HS6ST3: variants seen among roughly 807,000 people sequenced by gnomAD.
HS6ST3 encodes heparan sulfate 6-O-sulfotransferase 3.
In HS6ST3, 12 loss-of-function variants were observed where a neutral mutation model predicts 36.7. The observed-to-expected ratio is 0.33, with a 90% CI of 0.21 to 0.53. The LOEUF (loss-of-function observed/expected upper bound fraction) is 0.53. Among genes scored for constraint, HS6ST3 ranks in the 20% least tolerant of loss-of-function variants. The pLI, the probability that HS6ST3 is intolerant of heterozygous loss-of-function variation, is 0.95. For synonymous variants in HS6ST3, 240 were observed against 257.5 expected, an observed-to-expected ratio of 0.93 and a Z score of 0.65; for missense variants, 584 against 640.9, an observed-to-expected ratio of 0.91 and a Z score of 0.96.
chr13:96,553,823 G>A (rs1160951849), intron 1 of HS6ST3, among the ~76,000 whole-genome samples: 1 of 152,198 alleles, frequency 6.6e-6, no homozygotes. Flanking sequence ...AGGAAGAAAA[G>A]CATGTCAGAA....
intron 1 of HS6ST3, among the ~76,000 whole-genome samples, chr13:96,489,375 A>AAC (rs67334904): frequency 0.067 from 9,914 of 148,020 alleles, 328 homozygotes; most frequent in Middle Eastern, 0.1. Context: ...TGTATATACA[A>AAC]ACACACACAC....
At chr13:96,156,460 T>C (rs2054111022) in intron 1 of HS6ST3, among the ~76,000 whole-genome samples, 1 of 152,192 alleles carries the variant, frequency 6.6e-6, no homozygotes, top group Non-Finnish European at 1.5e-5. Flanking sequence ...AGCATATGTT[T>C]AAGAAGACCT....
intron 1 of HS6ST3, among the ~76,000 whole-genome samples, chr13:96,479,935 C>T (rs766423548): frequency 6.6e-6 from 1 of 152,036 alleles, no homozygotes; most frequent in Non-Finnish European, 1.5e-5. Context: ...CACCTTAGCC[C>T]AGAATTGACC....
intron 1 of HS6ST3, among the ~76,000 whole-genome samples, chr13:96,544,218 A>C (rs2056188824): frequency 6.6e-6 from 1 of 152,180 alleles, no homozygotes; most frequent in Non-Finnish European, 1.5e-5. Flanking sequence ...CACTGCGTCT[A>C]ATTTGGGGAC....
chr13:96,397,485 G>C (rs1277931850), intron 1 of HS6ST3, among the ~76,000 whole-genome samples: 1 of 151,852 alleles, frequency 6.6e-6, no homozygotes, highest in Non-Finnish European at 1.5e-5. Context: ...CCACTTCTTT[G>C]ACTCATCAAT....
chr13:96,297,117 C>T (rs16953069), intron 1 of HS6ST3, among the ~76,000 whole-genome samples: 2,199 of 152,184 alleles, frequency 0.014, 27 homozygotes, highest in East Asian at 0.054. Flanking sequence ...CATTGGGTCC[C>T]TAGTTACTAT....
At chr13:96,311,594 T>C (rs1160706880) in intron 1 of HS6ST3, among the ~76,000 whole-genome samples, 4 of 152,214 alleles carry the variant, frequency 2.6e-5, no homozygotes, top group Non-Finnish European at 5.9e-5. Context: ...CTAGAAAGCA[T>C]CCATACTCTG....
At chr13:96,689,954 G>A (rs1479516274) in intron 1 of HS6ST3, among the ~76,000 whole-genome samples, 4 of 152,026 alleles carry the variant, frequency 2.6e-5, no homozygotes, top group African/African-American at 9.7e-5. Flanking sequence ...AAATTGGCCT[G>A]TTTTGAAGAA....
intron 1 of HS6ST3, among the ~76,000 whole-genome samples, chr13:96,492,815 A>G (rs1211350051): frequency 6.6e-6 from 1 of 152,084 alleles, no homozygotes. Flanking sequence ...GCTCACTCCA[A>G]ATGGGGGTTG....
chr13:96,688,468 A>G (rs1874850308), intron 1 of HS6ST3, among the ~76,000 whole-genome samples: 1 of 152,030 alleles, frequency 6.6e-6, no homozygotes, highest in South Asian at 2.1e-4. Context: ...TGAAAGATGC[A>G]GGGTGCTTTC....
At position 96,832,687 on chromosome 13, in the gene HS6ST3, C is replaced by G. The variant is rs868456363; in HGVS notation, c.905C>G (p.Thr302Ser). 5 of 1,613,920 alleles carry G rather than the reference C, an allele frequency of 3.1e-6. No homozygotes were observed. The highest frequency in any genetic ancestry group is 4.2e-6 in the Non-Finnish European group (5 of 1,179,896). The change falls in exon 2 of 2, where the codon ACC becomes AGC. Residue 302 changes from threonine to serine, a missense_variant. Thr to Ser is a moderately conservative substitution (Grantham distance 58). Around this residue, in one of 3 missense-constraint regions of HS6ST3, gnomAD observed 360 missense variants for 411.3 expected, o/e 0.88. Coordinates refer to ENST00000376705, the MANE Select transcript of HS6ST3 (RefSeq NM_153456.4). The part of the protein sequence containing the change: ...GVSLREFMDC[T>S]YNLANNRQVR... The stretch of plus-strand genomic sequence containing the variant: ...AGCTTGCGGGAGTTTATGGATTGCA[C>G]CTACAACCTGGCTAACAATCGCCAG...
chr13:96,564,082 G>T (rs1436191185), intron 1 of HS6ST3, among the ~76,000 whole-genome samples: 2 of 152,094 alleles, frequency 1.3e-5, no homozygotes, highest in Non-Finnish European at 2.9e-5. Context: ...CTATTTTGTT[G>T]TTCCTTGCAA....
chr13:96,449,249 A>T (rs537309690), intron 1 of HS6ST3, among the ~76,000 whole-genome samples: 3 of 152,194 alleles, frequency 2.0e-5, no homozygotes, highest in Non-Finnish European at 4.4e-5. Context: ...GGCTTGAGCC[A>T]CTGTGCCTGG....
At chr13:96,555,088 TATACATAC>T (rs36026016) in intron 1 of HS6ST3, among the ~76,000 whole-genome samples, 1 of 151,006 alleles carries the variant, frequency 6.6e-6, no homozygotes, top group African/African-American at 2.4e-5. Context: ...TCAATACATA[TATACATAC>T]ATACATACAT....
At chr13:96,299,691 A>C (rs966499646) in intron 1 of HS6ST3, among the ~76,000 whole-genome samples, 1 of 152,180 alleles carries the variant, frequency 6.6e-6, no homozygotes, top group East Asian at 1.9e-4. Context: ...CCAGGAGTCC[A>C]TGAAACATTT....
At chr13:96,121,009 G>A (rs550238271) in intron 1 of HS6ST3, among the ~76,000 whole-genome samples, 2 of 152,178 alleles carry the variant, frequency 1.3e-5, no homozygotes, top group Non-Finnish European at 2.9e-5. Context: ...GATAGGAAAA[G>A]TGCCTAATTA....
At chr13:96,133,006 G>A (rs1407518463) in intron 1 of HS6ST3, among the ~76,000 whole-genome samples, 1 of 151,664 alleles carries the variant, frequency 6.6e-6, no homozygotes, top group Non-Finnish European at 1.5e-5. Flanking sequence ...TCTTTTGAGT[G>A]CCTTTTATAT....
At chr13:96,824,846 C>T (rs140747919) in intron 1 of HS6ST3, among the ~76,000 whole-genome samples, 1 of 152,302 alleles carries the variant, frequency 6.6e-6, no homozygotes, top group African/African-American at 2.4e-5. Context: ...TATTTATTCA[C>T]TCCACAAACA....
intron 1 of HS6ST3, among the ~76,000 whole-genome samples, chr13:96,238,436 G>C (rs1437587648): frequency 2.0e-5 from 3 of 152,134 alleles, no homozygotes; most frequent in Non-Finnish European, 4.4e-5. Context: ...GGCTCTTTAT[G>C]ATGGCCGACA....
Sources: allele counts gnomAD v4.1 joint callset (sites outside exome capture counted in the v4.1 genomes callset), GRCh38; gene constraint gnomAD v4.1.1; regional missense constraint gnomAD v4.1.1; transcripts MANE v1.5; gene names NCBI Gene and HGNC (gene_info 2026-07-23, HGNC 2026-07-21).